Variants in UBE2K observed in about 807,000 individuals in gnomAD.
The protein encoded by UBE2K is ubiquitin-conjugating enzyme E2 K.
UBE2K carries 6 observed loss-of-function variants against 30.0 expected under a neutral mutation model. The ratio of observed to expected loss-of-function variants is 0.20; its 90% CI spans 0.11 to 0.39. The LOEUF (loss-of-function observed/expected upper bound fraction) is 0.39. UBE2K is among the 10% of genes least tolerant of loss of function. The pLI is 1.00. For missense variants in UBE2K, 61 were observed against 241.6 expected (o/e 0.25, Z 4.96); for synonymous variants, 86 against 83.7 (o/e 1.03, Z -0.15).
intron 3 of UBE2K, among the ~76,000 whole-genome samples, chr4:39,751,376 GCA>G (rs1396661513): frequency 1.6e-4 from 25 of 152,132 alleles, no homozygotes; most frequent in African/African-American, 5.3e-4. Context: ...TCTTTAAAAA[GCA>G]GTGCTGAACG....
At position 39,777,682 on chromosome 4, in the gene UBE2K, T is replaced by C; in HGVS notation, c.400T>C (p.Tyr134His). Reference protein sequence around the residue: ...DPQDAVVANQYKQNPEMFKQT... With the variant: ...DPQDAVVANQHKQNPEMFKQT... ...TCAATCAATTTTTCCCCCCATATAG[T>C]ACAAACAAAATCCCGAAATGTTCAA... The change falls in exon 6 of 7, where the codon TAC (tyrosine) becomes CAC (histidine). Residue 134 changes from tyrosine (Y) to histidine (H), a missense_variant and splice_region_variant. Physicochemically the swap from Tyr to His is moderately conservative, Grantham distance 83. Coordinates refer to ENST00000261427, the MANE Select transcript of UBE2K (RefSeq NM_005339.5). The C allele has an allele frequency of 6.4e-7, 1 of 1,558,026 alleles. No individual in the cohort carries two copies. The highest frequency in any genetic ancestry group is 8.6e-7 in the Non-Finnish European group (1 of 1,162,478).
At chr4:39,750,844 C>T (rs1194029529) in intron 3 of UBE2K, among the ~76,000 whole-genome samples, 1 of 151,320 alleles carries the variant, frequency 6.6e-6, no homozygotes, top group Non-Finnish European at 1.5e-5. Context: ...CTCCTGGGCT[C>T]AAGCGATCCT....
chr4:39,757,000 GT>G (rs35733561), intron 4 of UBE2K, among the ~76,000 whole-genome samples: 1,008 of 94,164 alleles, frequency 0.011, 15 homozygotes, highest in African/African-American at 0.021. Flanking sequence ...TTTTTTGGGT[GT>G]TTTTTTTTTG....
intron 1 of UBE2K, among the ~76,000 whole-genome samples, chr4:39,726,691 G>A (rs977370719): frequency 4.6e-5 from 7 of 152,112 alleles, no homozygotes; most frequent in Non-Finnish European, 1.0e-4. Context: ...TGCCTCCTGG[G>A]CTCAGACGAT....
chr4:39,743,536 G>A lies in UBE2K; in HGVS notation c.158-2216G>A, dbSNP rs561209849. Among the ~76,000 whole-genome samples, 756 of 151,720 alleles carry A rather than the reference G, an allele frequency of 5.0e-3. 7 individuals are homozygous for A. Among genetic ancestry groups the A allele is most frequent in the African/African-American group, 0.017 (697 of 41,400 alleles). ...GGAGAATGGCGTGAACCCGGGAGGC[G>A]GAGCTTGCAGTGAGCCGAGATCCCG... On this transcript the variant is annotated intron_variant, in intron 2 of 6. Transcript: ENST00000261427.
chr4:39,770,961 G>A (rs1712768072), intron 4 of UBE2K: 19 of 1,591,084 alleles, frequency 1.2e-5, no homozygotes, highest in Non-Finnish European at 1.5e-5. Context: ...CTGGCTTTGG[G>A]GTCCTGGCTG....
intron 2 of UBE2K, among the ~76,000 whole-genome samples, chr4:39,740,084 T>G (rs868076045): frequency 1.3e-5 from 2 of 152,118 alleles, no homozygotes; most frequent in Non-Finnish European, 2.9e-5. Context: ...TAGTTATCTT[T>G]AAAAAATCAG....
At chr4:39,721,742 G>A (rs1450831137) in intron 1 of UBE2K, among the ~76,000 whole-genome samples, 1 of 152,124 alleles carries the variant, frequency 6.6e-6, no homozygotes, top group Non-Finnish European at 1.5e-5. Context: ...AGATCATGTT[G>A]CTCTCATGAA....
intron 4 of UBE2K, among the ~76,000 whole-genome samples, chr4:39,760,206 AAAAAC>A (rs1158636029): frequency 3.3e-5 from 5 of 151,436 alleles, no homozygotes; most frequent in Non-Finnish European, 5.9e-5. Flanking sequence ...AAAAAAAAAA[AAAAAC>A]AAATAATGTG....
At chr4:39,732,287 G>C (rs1330673566) in intron 1 of UBE2K, among the ~76,000 whole-genome samples, 1 of 152,098 alleles carries the variant, frequency 6.6e-6, no homozygotes, top group Non-Finnish European at 1.5e-5. Flanking sequence ...GTTTTAAAAA[G>C]GTTAAACAAC....
chr4:39,707,779 C>CGAG (rs1718450155), intron 1 of UBE2K, among the ~76,000 whole-genome samples: 1 of 152,016 alleles, frequency 6.6e-6, no homozygotes. Context: ...CTCAGCCTCC[C>CGAG]AAAGTGCTGG....
chr4:39,737,538 A>C, intron 2 of UBE2K, 25 bp downstream of exon 2: 1 of 1,413,982 alleles, frequency 7.1e-7, no homozygotes, highest in East Asian at 2.4e-5. Flanking sequence ...CTGTATCAAA[A>C]TATTGTGCGT....
intron 5 of UBE2K, among the ~76,000 whole-genome samples, chr4:39,775,807 T>C (rs1713251082): frequency 6.6e-6 from 1 of 152,168 alleles, no homozygotes; most frequent in South Asian, 2.1e-4. Flanking sequence ...TGGACATTTT[T>C]TTTTTTAAAC....
chr4:39,743,652 AACT>A (rs972048504), intron 2 of UBE2K, among the ~76,000 whole-genome samples: 1 of 152,174 alleles, frequency 6.6e-6, no homozygotes, highest in African/African-American at 2.4e-5. Context: ...CAGCTTTAAT[AACT>A]ATCAGCTCAC....
chr4:39,774,297 CA>C (rs1401989100), intron 4 of UBE2K, among the ~76,000 whole-genome samples: 5 of 151,380 alleles, frequency 3.3e-5, no homozygotes, highest in Non-Finnish European at 7.4e-5. Flanking sequence ...CAGAGCAAGA[CA>C]CTGTCATTAA....
intron 4 of UBE2K, among the ~76,000 whole-genome samples, chr4:39,756,953 A>G (rs1400018270): frequency 1.4e-5 from 2 of 148,048 alleles, no homozygotes; most frequent in South Asian, 2.1e-4. Context: ...TCTAAAGATT[A>G]TATATTATTT....
chr4:39,710,995 A>G (rs1718636931), intron 1 of UBE2K, among the ~76,000 whole-genome samples: 1 of 151,646 alleles, frequency 6.6e-6, no homozygotes, highest in South Asian at 2.1e-4. Context: ...TTCTAGGAGT[A>G]TCTGCTATGT....
chr4:39,713,653 C>T (rs1718843895), intron 1 of UBE2K, among the ~76,000 whole-genome samples: 1 of 151,866 alleles, frequency 6.6e-6, no homozygotes, highest in African/African-American at 2.4e-5. Context: ...CACCACCATC[C>T]ATCTCCAGAA....
intron 1 of UBE2K, among the ~76,000 whole-genome samples, chr4:39,724,243 G>A: frequency 6.6e-6 from 1 of 151,730 alleles, no homozygotes. Flanking sequence ...AAGTAGCTGA[G>A]ACTATAGGCA....
Sources: allele counts gnomAD v4.1 joint callset (sites outside exome capture counted in the v4.1 genomes callset), GRCh38; gene constraint gnomAD v4.1.1; transcripts MANE v1.5; gene names NCBI Gene and HGNC (gene_info 2026-07-23, HGNC 2026-07-21).